POLE: variants seen among roughly 807,000 people sequenced by gnomAD.
POLE encodes the protein DNA polymerase epsilon, catalytic subunit, also known as DNA polymerase epsilon catalytic subunit A.
A neutral mutation model predicts 279.2 loss-of-function variants in POLE; 188 were observed. The observed-to-expected ratio is 0.67, with a 90% CI of 0.60 to 0.76. The LOEUF is 0.76. Ranked by LOEUF, POLE falls within the 30% of genes least tolerant of loss-of-function variation. The pLI, the probability that POLE is intolerant of heterozygous loss-of-function variation, is 0.00. For synonymous variants in POLE, 1,214 were observed against 1,172.5 expected (o/e 1.04, Z -0.72); for missense variants, 2,703 against 3,016.7 (o/e 0.90, Z 2.44).
At chr12:132,649,254 T>G (rs2042359770) in intron 31 of POLE, 52 bp downstream of exon 31, 2 of 1,576,494 alleles carry the variant, frequency 1.3e-6, no homozygotes, top group African/African-American at 2.7e-5. Flanking sequence ...GGACACCCCC[T>G]CCCTGGGCCA....
chr12:132,672,530 G>T, intron 15 of POLE, 97 bp downstream of exon 15: 1 of 1,339,444 alleles, frequency 7.5e-7, no homozygotes, highest in South Asian at 1.2e-5. Flanking sequence ...CCGTGGGACA[G>T]GATGGGGAGA....
intron 41 of POLE, 120 bp downstream of exon 41, chr12:132,637,894 G>A: frequency 1.8e-6 from 2 of 1,093,092 alleles, no homozygotes; most frequent in Non-Finnish European, 2.6e-6. Flanking sequence ...TCACCATGGT[G>A]AGTCCTGCAC....
intron 41 of POLE, 102 bp downstream of exon 41, chr12:132,637,912 G>A (rs759240030): frequency 1.0e-5 from 14 of 1,361,852 alleles, no homozygotes; most frequent in Middle Eastern, 2.5e-4. Context: ...CACTTCTAAC[G>A]ACCTCCCAGC....
intron 16 of POLE, among the ~76,000 whole-genome samples, chr12:132,671,757 C>G (rs2042933743): frequency 6.6e-6 from 1 of 151,590 alleles, no homozygotes; most frequent in South Asian, 2.1e-4. Flanking sequence ...ACTGGTGTCT[C>G]CCTCTCCAGT....
At chr12:132,667,671 G>A (rs2135971594) in intron 19 of POLE, 23 bp from the exon 20 acceptor site, 2 of 1,612,916 alleles carry the variant, frequency 1.2e-6, no homozygotes, top group East Asian at 2.2e-5. Context: ...GAGATGGGCA[G>A]AGCAGGTGGG....
intron 43 of POLE, 193 bp downstream of exon 43, chr12:132,633,993 C>T (rs1034224255): frequency 5.9e-5 from 32 of 545,548 alleles, no homozygotes; most frequent in African/African-American, 4.6e-4. Flanking sequence ...CACCCCTCTC[C>T]GGGCCCTCCA....
At chr12:132,660,060 A>G (rs1347171582) in intron 25 of POLE, 3 of 158,986 alleles carry the variant, frequency 1.9e-5, no homozygotes, top group African/African-American at 4.8e-5. Flanking sequence ...AAGGCTGCAG[A>G]AAAGGATGTT....
chr12:132,626,049 C>T, intron 46 of POLE, 68 bp downstream of exon 46: 1 of 1,471,492 alleles, frequency 6.8e-7, no homozygotes, highest in Non-Finnish European at 9.3e-7. Flanking sequence ...TGCAGAAGCC[C>T]TCAAGACACC....
Position 132,642,840 on chromosome 12 carries a change from G to A in POLE, c.4708C>T (p.Arg1570Ter), listed in dbSNP as rs1037592848. 6.2e-6 allele frequency: 10 copies of A among 1,613,938 alleles called. No homozygotes were observed. The highest frequency in any genetic ancestry group is 7.6e-6 in the Non-Finnish European group (9 of 1,179,998). Residue 1570 changes from arginine to a stop codon, truncating the protein, a stop_gained, in exon 36 of 49, where the codon CGA (arginine) becomes TGA (stop). Coordinates refer to ENST00000320574, the MANE Select transcript of POLE (RefSeq NM_006231.4). LOFTEE classifies it high-confidence loss of function. ...CTCACCTTGTAGGCGAGCAGGAATC[G>A]CTGGATGGCTCTGCAGATGGTCTTC... ...DLKTICRAIQRFLLAYKEERR... is the reference protein window; with the variant it reads ...DLKTICRAIQ
chr12:132,656,850 G>T (rs2042551630), intron 29 of POLE, among the ~76,000 whole-genome samples: 1 of 152,224 alleles, frequency 6.6e-6, no homozygotes, highest in Non-Finnish European at 1.5e-5. Context: ...GGGGCTTCAA[G>T]AGACAGTGAT....
In POLE at chr12:132,626,320, G is replaced by A. The variant is rs1332510248; in HGVS notation, c.6331-3C>T. 2 of 1,613,272 alleles carry A rather than the reference G, an allele frequency of 1.2e-6. No homozygotes were observed. The highest frequency in any genetic ancestry group is 4.5e-5 in the East Asian group (2 of 44,900). On this transcript the variant is annotated splice_polypyrimidine_tract_variant and splice_region_variant and intron_variant, in intron 45 of 48. Coordinates refer to ENST00000320574, the MANE Select transcript of POLE (RefSeq NM_006231.4). ...ATGTTGGTGTCCAGGGACAGCACCT[G>A]CAGAGACCACAGCCCACATCGGGAA...
chr12:132,643,358 C>T (rs937726642), intron 34 of POLE, 28 bp from the exon 35 acceptor site: 1 of 1,614,194 alleles, frequency 6.2e-7, no homozygotes, highest in Non-Finnish European at 8.5e-7. Flanking sequence ...ACCGTCACCC[C>T]AGATGTGTGG....
chr12:132,652,776 T>A (rs2042451433), intron 29 of POLE, among the ~76,000 whole-genome samples: 2 of 152,212 alleles, frequency 1.3e-5, no homozygotes, highest in Admixed American at 1.3e-4. Flanking sequence ...AGGCTCCCAA[T>A]CGGCTCTACT....
At chr12:132,650,141 G>T (rs1314933551) in intron 29 of POLE, 1 of 492,056 alleles carries the variant, frequency 2.0e-6, no homozygotes, top group Non-Finnish European at 3.7e-6. Context: ...CCCAGGAGTT[G>T]GAGGCTGCGG....
In POLE at chr12:132,643,739, G is replaced by A. The variant is rs556940051; in HGVS notation, c.4290+98C>T. On this transcript the variant is annotated intron_variant, in intron 33 of 48. Transcript: ENST00000320574. ...CACCTGTGGGAACGAGTCCACTGTC[G>A]CTGCTGTTCCCCAGCCCACACCCTG... 5.8e-5 allele frequency: 85 copies of A among 1,477,718 alleles called. No homozygotes were observed. The East Asian group carries it at 9.9e-4, about 17-fold the overall frequency. 91.5% of individuals were successfully genotyped at this position (1,477,718 alleles called of 1,614,324 possible).
chr12:132,668,250 A>G lies in POLE; in HGVS notation c.2173+106T>C. On this transcript the variant is annotated intron_variant, in intron 19 of 48. Transcript: ENST00000320574. The surrounding 1 kb of genome is among the most constrained non-coding windows in gnomAD (Gnocchi z 4.0). The stretch of plus-strand genomic sequence containing the variant: ...AGAGCAGCTTCTGGTCTGCTGTGAC[A>G]ACACCTCTGGGGCCCCAGCTGGGAT... The G allele has an allele frequency of 1.5e-6, 2 of 1,356,660 alleles. No individual in the cohort carries two copies. The highest frequency in any genetic ancestry group is 2.0e-6 in the Non-Finnish European group (2 of 1,013,606). 84.0% of individuals were successfully genotyped at this position (1,356,660 alleles called of 1,614,324 possible). A position where few individuals can be genotyped will look rare whatever the true frequency, so the allele number is the denominator to read the frequency against.
intron 39 of POLE, 54 bp downstream of exon 39, chr12:132,641,593 G>T: frequency 6.7e-7 from 1 of 1,487,342 alleles, no homozygotes; most frequent in East Asian, 2.3e-5. Flanking sequence ...CCAAATTAAG[G>T]GCAAAGGATA....
rs1565938621 is a variant in POLE at position 132,642,986 on chromosome 12, T to C, written c.4562A>G (p.Asn1521Ser). 5.0e-6 allele frequency: 8 copies of C among 1,594,280 alleles called. No individual in the cohort carries two copies. In the East Asian group the frequency reaches 1.8e-4, roughly 36 times the overall value. The stretch of plus-strand genomic sequence containing the variant: ...CAGGGCGCCAAGGCTGGGCATCTGG[T>C]TGCTGCGCACCTAGACCAACGCAGG... ...SVFVLDTVRS[N>S]QMPSLGALYS... is the part of the protein sequence containing the mutation. The change falls in exon 36 of 49, where the codon AAC (asparagine) becomes AGC (serine). Residue 1521 changes from asparagine (N) to serine (S), a missense_variant. Asn to Ser is a conservative substitution (Grantham distance 46, BLOSUM62 1). This residue lies in a region of POLE where 1,551 missense variants were observed against 1,686.1 expected (regional missense o/e 0.92). Transcript: ENST00000320574.
At chr12:132,667,041 G>C (rs186968268) in intron 20 of POLE, among the ~76,000 whole-genome samples, 1 of 152,164 alleles carries the variant, frequency 6.6e-6, no homozygotes, top group Admixed American at 6.6e-5. Context: ...TATCAAAACA[G>C]AGGTGTTGCT....
Sources: allele counts gnomAD v4.1 joint callset (sites outside exome capture counted in the v4.1 genomes callset), GRCh38; gene constraint gnomAD v4.1.1; regional missense constraint gnomAD v4.1.1; non-coding constraint Gnocchi (gnomAD v3.1); transcripts MANE v1.5; gene names NCBI Gene and HGNC (gene_info 2026-07-23, HGNC 2026-07-21).